The following PARD3B variants were observed in gnomAD, a reference collection of about 807,000 sequenced individuals.
PARD3B encodes par-3 family cell polarity regulator beta.
In PARD3B, 103 loss-of-function variants were observed where a neutral mutation model predicts 130.2. The observed-to-expected ratio is 0.79, with a 90% confidence interval of 0.67 to 0.93. PARD3B has a LOEUF of 0.93. Among genes scored for constraint, PARD3B ranks in the 40% least tolerant of loss-of-function variants. PARD3B has a pLI of 0.00. For missense variants in PARD3B, 1,609 were observed against 1,499.2 expected (o/e 1.07, Z -1.21); for synonymous variants, 583 against 553.2 (o/e 1.05, Z -0.76).
chr2:205,071,507 T>C (rs536462252), intron 4 of PARD3B, among the ~76,000 whole-genome samples: 2 of 152,312 alleles, frequency 1.3e-5, no homozygotes, highest in South Asian at 2.1e-4. Context: ...TATCACTGAG[T>C]TTAATTTCTT....
intron 1 of PARD3B, among the ~76,000 whole-genome samples, chr2:204,552,899 T>C (rs887127232): frequency 3.3e-5 from 5 of 152,192 alleles, no homozygotes; most frequent in African/African-American, 1.2e-4. Context: ...TTGGTGACTA[T>C]GGTCTTATAG....
chr2:205,532,378 GT>G (rs2051638529), intron 21 of PARD3B, among the ~76,000 whole-genome samples: 1 of 152,096 alleles, frequency 6.6e-6, no homozygotes, highest in Admixed American at 6.6e-5. Flanking sequence ...CTTTGTTTCA[GT>G]TTTCTCAGAC....
intron 20 of PARD3B, among the ~76,000 whole-genome samples, chr2:205,465,455 A>T (rs991405184): frequency 6.6e-6 from 1 of 152,214 alleles, no homozygotes; most frequent in African/African-American, 2.4e-5. Context: ...ATTCATTTTT[A>T]AAAATTATTT....
At chr2:204,647,347 G>A (rs1466149277) in intron 1 of PARD3B, among the ~76,000 whole-genome samples, 2 of 151,236 alleles carry the variant, frequency 1.3e-5, no homozygotes, top group African/African-American at 4.9e-5. Flanking sequence ...GTCCTTTGTT[G>A]GATACAGTTT....
At chr2:205,137,660 T>C (rs546214666) in intron 10 of PARD3B, among the ~76,000 whole-genome samples, 17 of 152,350 alleles carry the variant, frequency 1.1e-4, no homozygotes, top group African/African-American at 3.8e-4. Flanking sequence ...GACTTATGCA[T>C]GGAGCTGCAT....
At chr2:204,868,001 C>T (rs1665709016) in intron 2 of PARD3B, among the ~76,000 whole-genome samples, 1 of 152,124 alleles carries the variant, frequency 6.6e-6, no homozygotes, top group African/African-American at 2.4e-5. Context: ...ATTGATGGAG[C>T]AGGGTCTGAG....
rs1042309801 is a variant in PARD3B, at chr2:205,345,999, T to C, written c.2630+44298T>C. Among the ~76,000 whole-genome samples, 27 of 109,736 alleles carry C rather than the reference T, an allele frequency of 2.5e-4. 3 individuals carry two copies. The highest frequency in any genetic ancestry group is 7.0e-4 in the Admixed American group (6 of 8,536). The allele number at this position is 109,736 out of a possible 152,430, so 72.0% of individuals were successfully genotyped here. On this transcript the variant is annotated intron_variant, in intron 18 of 22. Transcript: ENST00000406610. ...CAGCCTGGCCAACATAGTGAAACCC[T>C]GTCTCTACTAAAATACAAAAAATTA...
At chr2:204,628,976 C>G (rs1009881229) in intron 1 of PARD3B, among the ~76,000 whole-genome samples, 1 of 152,136 alleles carries the variant, frequency 6.6e-6, no homozygotes, top group African/African-American at 2.4e-5. Context: ...GCATTTGTTT[C>G]ACTGTAGTGT....
chr2:205,298,999 C>T (rs759999140), intron 16 of PARD3B, among the ~76,000 whole-genome samples: 1 of 152,068 alleles, frequency 6.6e-6, no homozygotes, highest in Non-Finnish European at 1.5e-5. Context: ...GTACCAGTAG[C>T]ACAACTATAA....
intron 18 of PARD3B, among the ~76,000 whole-genome samples, chr2:205,379,021 A>G (rs2045197157): frequency 2.6e-5 from 4 of 152,002 alleles, no homozygotes; most frequent in Admixed American, 2.6e-4. Flanking sequence ...AGTTATCAGT[A>G]GGTTCCTTCA....
chr2:205,404,185 C>T (rs976142794), intron 19 of PARD3B, among the ~76,000 whole-genome samples: 1 of 152,158 alleles, frequency 6.6e-6, no homozygotes, highest in Non-Finnish European at 1.5e-5. Context: ...ATTCAACCAA[C>T]CGCAGATTGA....
intron 15 of PARD3B, among the ~76,000 whole-genome samples, chr2:205,203,656 T>C (rs924726402): frequency 6.6e-6 from 1 of 152,120 alleles, no homozygotes; most frequent in African/African-American, 2.4e-5. Flanking sequence ...CCTGTGTCCA[T>C]GTGTTCTCAT....
At chr2:204,770,470 G>A in intron 2 of PARD3B, among the ~76,000 whole-genome samples, 1 of 151,214 alleles carries the variant, frequency 6.6e-6, no homozygotes, top group Non-Finnish European at 1.5e-5. Context: ...TGAAAAAAAT[G>A]TATATTCTGT....
chr2:204,857,823 G>A (rs1020475229), intron 2 of PARD3B, among the ~76,000 whole-genome samples: 1 of 152,128 alleles, frequency 6.6e-6, no homozygotes, highest in African/African-American at 2.4e-5. Context: ...GGTGAGAATG[G>A]CCTTCCTGCT....
intron 2 of PARD3B, among the ~76,000 whole-genome samples, chr2:204,734,827 A>G (rs1348164133): frequency 1.3e-5 from 2 of 152,122 alleles, no homozygotes; most frequent in Non-Finnish European, 2.9e-5. Context: ...TGATGGTCAC[A>G]CAACTCTATG....
chr2:204,597,009 A>G (rs987593497), intron 1 of PARD3B, among the ~76,000 whole-genome samples: 1 of 151,892 alleles, frequency 6.6e-6, no homozygotes, highest in Non-Finnish European at 1.5e-5. Flanking sequence ...AACCTAAGAA[A>G]AATAACTGCA....
chr2:205,283,001 T>A (rs1316141283), intron 16 of PARD3B, among the ~76,000 whole-genome samples: 5 of 152,228 alleles, frequency 3.3e-5, no homozygotes, highest in African/African-American at 9.6e-5. Flanking sequence ...AGGTGAGCTA[T>A]GATTGATTAG....
chr2:205,342,345 T>A (rs1024286373), intron 18 of PARD3B, among the ~76,000 whole-genome samples: 2 of 152,160 alleles, frequency 1.3e-5, no homozygotes, highest in African/African-American at 4.8e-5. Context: ...AGAACAAGAA[T>A]CAGATGTCTA....
At chr2:204,628,793 T>C (rs919900739) in intron 1 of PARD3B, among the ~76,000 whole-genome samples, 5 of 152,158 alleles carry the variant, frequency 3.3e-5, no homozygotes, top group Non-Finnish European at 7.4e-5. Context: ...ATGTTATCTG[T>C]AGATGGGAAA....
Sources: gnomAD v4.1 joint callset for allele counts (sites outside exome capture counted in the v4.1 genomes callset) on GRCh38, gnomAD v4.1.1 for gene constraint, MANE v1.5 for transcripts, NCBI Gene and HGNC (gene_info 2026-07-23, HGNC 2026-07-21) for gene names.